MPP2: variants seen among roughly 807,000 people sequenced by gnomAD.
MPP2 encodes MAGUK p55 scaffold protein 2.
A neutral mutation model predicts 58.5 loss-of-function variants in MPP2; 42 were observed. The ratio of observed to expected loss-of-function variants is 0.72; its 90% CI spans 0.56 to 0.93. The LOEUF is 0.93. Among genes scored for constraint, MPP2 ranks in the 40% least tolerant of loss-of-function variants. MPP2 has a pLI of 0.00. For missense variants in MPP2, 632 were observed against 760.4 expected, an observed-to-expected ratio of 0.83 and a Z score of 1.99; for synonymous variants, 300 against 307.8, an observed-to-expected ratio of 0.97 and a Z score of 0.26.
chr17:43,900,368 A>C, intron 2 of MPP2: 1 of 1,375,026 alleles, frequency 7.3e-7, no homozygotes, highest in Non-Finnish European at 9.9e-7. Flanking sequence ...GTGCCCTCAG[A>C]TGACCTCTCC....
chr17:43,907,908 T>C, upstream of MPP2: 1 of 985,392 alleles, frequency 1.0e-6, no homozygotes, highest in Non-Finnish European at 1.2e-6. Context: ...GCCTCACTTT[T>C]CCTCGTTATC....
rs773089764 is a variant in MPP2, at chr17:43,904,468, G to T, written c.-8C>A. ...GGTGGCGGCAACCGGCATGGTGAAGGAGGCAAGGGCTCTGAAACGTCTCTC... is the reference window on the plus strand; with the variant it reads ...GGTGGCGGCAACCGGCATGGTGAAGTAGGCAAGGGCTCTGAAACGTCTCTC... On this transcript the variant is annotated 5_prime_UTR_variant, in exon 2 of 13. Transcript: ENST00000269095. The T allele has an allele frequency of 4.9e-5, 79 of 1,613,940 alleles. 1 individual carries two copies. The Middle Eastern group carries it at 4.9e-4, about 10-fold the overall frequency.
chr17:43,895,372 A>T (rs774923127), intron 3 of MPP2, among the ~76,000 whole-genome samples: 1 of 152,206 alleles, frequency 6.6e-6, no homozygotes. Flanking sequence ...TTGGTCTCCC[A>T]AAGTGCTGGG....
At chr17:43,890,182 CTTAACA>C (rs2047547571) in intron 3 of MPP2, among the ~76,000 whole-genome samples, 3 of 152,128 alleles carry the variant, frequency 2.0e-5, no homozygotes, top group South Asian at 2.1e-4. Flanking sequence ...TTTTTTTTCA[CTTAACA>C]TTAAGTGAAC....
Position 43,883,275 on chromosome 17 carries a change from G to A in MPP2, c.231C>T (p.Asp77=). 1 of 1,612,730 alleles carries A rather than the reference G, an allele frequency of 6.2e-7. No homozygotes were observed. The change falls in exon 4 of 13, where the codon GAC becomes GAT. Residue 77 remains aspartate, a synonymous_variant. Coordinates refer to ENST00000269095, the MANE Select transcript of MPP2 (RefSeq NM_005374.5). Reference sequence around the variant, plus strand: ...TGCTCTGCTCAGCCAGCTGCGCCAGGTCCCGCAGGATCTCCTGCACCAGCT... The same window carrying A: ...TGCTCTGCTCAGCCAGCTGCGCCAGATCCCGCAGGATCTCCTGCACCAGCT... The part of the protein sequence containing the change: ...NLELVQEILR[D]LAQLAEQSST...
rs564173179 is a variant in MPP2, at chr17:43,880,569, G to C, written c.1150+122C>G. 3 of 1,177,564 alleles carry C rather than the reference G, an allele frequency of 2.5e-6. No homozygotes were observed. The African/African-American group carries it at 4.6e-5, about 18-fold the overall frequency. The allele number at this position is 1,177,564 out of a possible 1,614,324, so 72.9% of individuals were successfully genotyped here. A position where few individuals can be genotyped will look rare whatever the true frequency, so the allele number is the denominator to read the frequency against. On this transcript the variant is annotated intron_variant, in intron 10 of 12. Transcript: ENST00000269095. The surrounding 1 kb of genome is among the most constrained non-coding windows in gnomAD (Gnocchi z 5.2). Reference sequence around the variant, plus strand: ...CCACAGAGGGCGTGCACCCCAACCCGTGTACCCAAAGGTACCACCTGGCCT... The same window carrying C: ...CCACAGAGGGCGTGCACCCCAACCCCTGTACCCAAAGGTACCACCTGGCCT...
chr17:43,902,917 T>TTC (rs1439315282), intron 2 of MPP2, among the ~76,000 whole-genome samples: 8 of 152,144 alleles, frequency 5.3e-5, no homozygotes, highest in Non-Finnish European at 1.2e-4. Context: ...AGAATATACC[T>TTC]TTTGTGCATG....
In MPP2 at chr17:43,881,125, T is replaced by C. The variant is rs2047095194; in HGVS notation, c.953A>G (p.Lys318Arg). The C allele has an allele frequency of 6.2e-7, 1 of 1,613,876 alleles. No homozygotes were observed. ...GGTGGTCAAATACATCATTCGCTTC[T>C]TTTTCTTTCCTGAAAGGCTGCCGCA... ...TLCGSLSGKKKKRMMYLTTKN... is the reference protein window; with the variant it reads ...TLCGSLSGKKRKRMMYLTTKN... The change falls in exon 9 of 13, where the codon AAG (lysine) becomes AGG (arginine). Residue 318 changes from lysine (K) to arginine (R), a missense_variant. Physicochemically the swap from Lys to Arg is conservative, Grantham distance 26. Transcript: ENST00000269095.
intron 2 of MPP2, chr17:43,900,476 C>T: frequency 6.5e-7 from 1 of 1,549,432 alleles, no homozygotes. Flanking sequence ...CCTACCTTCC[C>T]TCTGGAGCTC....
At chr17:43,878,417 G>C (rs1425187379) in intron 12 of MPP2, among the ~76,000 whole-genome samples, 1 of 152,186 alleles carries the variant, frequency 6.6e-6, no homozygotes, top group African/African-American at 2.4e-5. Context: ...GCTGGTACCA[G>C]GGCAATCCAC....
intron 3 of MPP2, among the ~76,000 whole-genome samples, chr17:43,889,309 TACATCTAACC>T (rs2047499282): frequency 2.6e-5 from 4 of 151,066 alleles, no homozygotes; most frequent in Admixed American, 2.0e-4. Flanking sequence ...GTCAATATCC[TACATCTAACC>T]ACATGCCCCA....
chr17:43,893,105 G>A (rs1012487489), intron 3 of MPP2, among the ~76,000 whole-genome samples: 2 of 152,142 alleles, frequency 1.3e-5, no homozygotes, highest in Non-Finnish European at 2.9e-5. Flanking sequence ...GTGGACTGTC[G>A]AGTGGACTGG....
intron 3 of MPP2, among the ~76,000 whole-genome samples, chr17:43,895,988 A>G (rs897480397): frequency 1.3e-5 from 2 of 152,186 alleles, no homozygotes; most frequent in Admixed American, 6.6e-5. Flanking sequence ...TTCCACAGAT[A>G]ATGTGAATAG....
At chr17:43,897,411 G>A (rs2047890050) in intron 3 of MPP2, among the ~76,000 whole-genome samples, 1 of 152,202 alleles carries the variant, frequency 6.6e-6, no homozygotes, top group African/African-American at 2.4e-5. Flanking sequence ...AACTCAGGAG[G>A]TGGAGGTTGC....
chr17:43,882,562 A>G (rs1339687680), intron 5 of MPP2, 51 bp from the exon 6 acceptor site: 4 of 1,550,698 alleles, frequency 2.6e-6, no homozygotes, highest in Non-Finnish European at 3.5e-6. Context: ...CCAAGTCAGA[A>G]TCTTCAAATA....
intron 3 of MPP2, among the ~76,000 whole-genome samples, chr17:43,894,822 T>C (rs2047776064): frequency 1.1e-5 from 1 of 87,626 alleles, no homozygotes; most frequent in African/African-American, 3.4e-5. Context: ...GTAGCCCCAG[T>C]TACTCAGGAG....
intron 3 of MPP2, among the ~76,000 whole-genome samples, chr17:43,895,206 C>T (rs1021158275): frequency 6.6e-6 from 1 of 151,966 alleles, no homozygotes; most frequent in Non-Finnish European, 1.5e-5. Context: ...CTCGACCTAC[C>T]CAGCTCAAGC....
intron 2 of MPP2, among the ~76,000 whole-genome samples, chr17:43,900,276 G>A (rs1481698536): frequency 6.6e-6 from 1 of 152,184 alleles, no homozygotes; most frequent in Non-Finnish European, 1.5e-5. Flanking sequence ...TCCTGCCAGG[G>A]TATGCCAGAT....
chr17:43,883,673 C>T (rs1200233043), intron 3 of MPP2, among the ~76,000 whole-genome samples: 1 of 152,130 alleles, frequency 6.6e-6, no homozygotes. Flanking sequence ...TATGCATTGG[C>T]GTTCAAAGAT....
Sources: gnomAD v4.1 joint callset for allele counts (sites outside exome capture counted in the v4.1 genomes callset) on GRCh38, gnomAD v4.1.1 for gene constraint, Gnocchi (gnomAD v3.1) non-coding constraint, MANE v1.5 for transcripts, NCBI Gene and HGNC (gene_info 2026-07-23, HGNC 2026-07-21) for gene names.